The following NDE1 variants were observed in gnomAD, a reference collection of about 807,000 sequenced individuals.
NDE1 encodes nudE neurodevelopment protein 1, also known as nuclear distribution protein nudE homolog 1.
In NDE1, 28 loss-of-function variants were observed where a neutral mutation model predicts 43.4. That is an observed-to-expected ratio of 0.65 (90% CI 0.48 to 0.89). The LOEUF (loss-of-function observed/expected upper bound fraction) is 0.89, where lower values mean the gene tolerates loss of function less well. Ranked by LOEUF, NDE1 falls within the 40% of genes least tolerant of loss-of-function variation. NDE1 has a pLI of 0.00. For missense variants in NDE1, 441 were observed against 434.1 expected, an observed-to-expected ratio of 1.02 and a Z score of -0.14; for synonymous variants, 184 against 172.0, an observed-to-expected ratio of 1.07 and a Z score of -0.55.
At chr16:15,708,104 A>G (rs967514341) in intron 8 of NDE1, among the ~76,000 whole-genome samples, 1 of 152,078 alleles carries the variant, frequency 6.6e-6, no homozygotes, top group African/African-American at 2.4e-5. Flanking sequence ...GCCTCCAGAA[A>G]AGGCTCTGCC....
At chr16:15,650,761 C>T (rs2036460513) in intron 1 of NDE1, among the ~76,000 whole-genome samples, 1 of 152,052 alleles carries the variant, frequency 6.6e-6, no homozygotes, top group Admixed American at 6.5e-5. Context: ...TCTCTCTCTC[C>T]TATTCCTCCA....
At chr16:15,680,058 C>T (rs1349996678) in intron 4 of NDE1, among the ~76,000 whole-genome samples, 1 of 152,206 alleles carries the variant, frequency 6.6e-6, no homozygotes, top group South Asian at 2.1e-4. Context: ...GGATTACGGG[C>T]TTGAGCCACC....
chr16:15,659,425 CTTTTTTT>C (rs35091023), intron 1 of NDE1, among the ~76,000 whole-genome samples: 6 of 58,892 alleles, frequency 1.0e-4, no homozygotes, highest in South Asian at 7.4e-4. Context: ...TGCACACAAT[CTTTTTTT>C]TTTTTTTTTT....
chr16:15,708,948 AG>A, intron 8 of NDE1: 3 of 1,188,466 alleles, frequency 2.5e-6, no homozygotes, highest in Admixed American at 2.0e-5. Flanking sequence ...TAATAATTAA[AG>A]GCACTCTTTT....
chr16:15,677,903 A>G lies in NDE1; in HGVS notation c.340A>G (p.Ile114Val), dbSNP rs759919035. 4.3e-6 allele frequency: 7 copies of G among 1,614,106 alleles called. No individual in the cohort carries two copies. The South Asian group carries it at 6.6e-5, about 15-fold the overall frequency. ...CATTAAAGACCAATTGCAGAAATAC[A>G]TCAGAGAGCTGGAGCAAGCAAATGA... Reference protein sequence around the residue: ...KAIKDQLQKYIRELEQANDDL... With the variant: ...KAIKDQLQKYVRELEQANDDL... The change falls in exon 4 of 9, where the codon ATC becomes GTC. Residue 114 changes from isoleucine (I) to valine (V), a missense_variant. Coordinates refer to ENST00000396354, the MANE Select transcript of NDE1 (RefSeq NM_017668.3).
chr16:15,714,734 G>T, intron 8 of NDE1: 3 of 827,852 alleles, frequency 3.6e-6, no homozygotes, highest in Non-Finnish European at 5.9e-6. Flanking sequence ...GCCCGGGTCT[G>T]ATCTCAGTGC....
chr16:15,677,864 G>A lies in NDE1; in HGVS notation c.301G>A (p.Ala101Thr), dbSNP rs764297672. 4.3e-6 allele frequency: 7 copies of A among 1,614,072 alleles called. No homozygotes were observed. The highest frequency in any genetic ancestry group is 2.2e-5 in the South Asian group (2 of 91,082). The change falls in exon 4 of 9, where the codon GCG becomes ACG. Residue 101 changes from alanine (A) to threonine (T), a missense_variant. By Grantham distance (58) the Ala-to-Thr change is moderately conservative. Transcript: ENST00000396354. ...GATCTCAGCCTTGGAGGATGACCTC[G>A]CGCAGACCAAAGCCATTAAAGACCA... ...RQISALEDDLAQTKAIKDQLQ... is the reference protein window; with the variant it reads ...RQISALEDDLTQTKAIKDQLQ...
At chr16:15,686,481 T>C (rs1299729799) in intron 4 of NDE1, 1 of 985,264 alleles carries the variant, frequency 1.0e-6, no homozygotes, top group Non-Finnish European at 1.2e-6. Flanking sequence ...ATTTTGAACT[T>C]CCACTGAGAG....
chr16:15,697,447 G>A (rs143707944), intron 8 of NDE1, among the ~76,000 whole-genome samples: 68 of 152,238 alleles, frequency 4.5e-4, no homozygotes, highest in African/African-American at 1.5e-3. Flanking sequence ...GGTGACGCTC[G>A]CCTGTAATCC....
intron 8 of NDE1, chr16:15,720,123 C>G (rs1335117404): frequency 6.2e-7 from 1 of 1,613,926 alleles, no homozygotes; most frequent in Non-Finnish European, 8.5e-7. Flanking sequence ...TCCCTCCACC[C>G]ATGCCCCAAG....
intron 8 of NDE1, among the ~76,000 whole-genome samples, chr16:15,716,516 T>G (rs930476985): frequency 3.1e-4 from 47 of 151,026 alleles, no homozygotes; most frequent in Admixed American, 1.3e-3. Context: ...TTTTTTGGGG[T>G]TTTTTTTGTG....
intron 8 of NDE1, among the ~76,000 whole-genome samples, chr16:15,702,589 T>TTA (rs2039258068): frequency 6.6e-6 from 1 of 151,450 alleles, no homozygotes; most frequent in Admixed American, 6.6e-5. Context: ...ACCTTTTTTT[T>TTA]ATAGAGACGG....
At chr16:15,708,721 T>G in intron 8 of NDE1, 2 of 1,415,944 alleles carry the variant, frequency 1.4e-6, no homozygotes, top group Non-Finnish European at 2.0e-6. Flanking sequence ...GTTTAAAAAT[T>G]GGGGTGGGCA....
At chr16:15,666,429 G>A (rs2037310852) in intron 2 of NDE1, among the ~76,000 whole-genome samples, 1 of 151,970 alleles carries the variant, frequency 6.6e-6, no homozygotes, top group Non-Finnish European at 1.5e-5. Context: ...TAGCAACATG[G>A]CAAAACCCTG....
intron 3 of NDE1, among the ~76,000 whole-genome samples, chr16:15,672,371 G>A (rs762565947): frequency 2.0e-5 from 3 of 152,136 alleles, no homozygotes; most frequent in Non-Finnish European, 4.4e-5. Flanking sequence ...GGTGGAGGTT[G>A]CAGTGAGCTG....
chr16:15,717,359 G>A lies in NDE1; in HGVS notation c.948-6832G>A, dbSNP rs780765461. The A allele has an allele frequency of 1.0e-5, 16 of 1,604,152 alleles. No individual in the cohort carries two copies. In the East Asian group the frequency reaches 3.3e-4, roughly 34 times the overall value. ...GCTGAGCTGCTCGGCCTGGGGAGGA[G>A]AGTGAAGGCCATGAGGCGGACTCAG... On this transcript the variant is annotated intron_variant, in intron 8 of 8. Transcript: ENST00000396354.
chr16:15,694,054 G>A lies in NDE1; in HGVS notation c.704-111G>A, dbSNP rs890616159. 1.3e-5 allele frequency: 17 copies of A among 1,284,478 alleles called. No homozygotes were observed. In the South Asian group the frequency reaches 1.4e-4, roughly 11 times the overall value. The allele number at this position is 1,284,478 out of a possible 1,614,324, so 79.6% of individuals were successfully genotyped here. A position where few individuals can be genotyped will look rare whatever the true frequency, so the allele number is the denominator to read the frequency against. On this transcript the variant is annotated intron_variant, in intron 6 of 8. Transcript: ENST00000396354. Reference sequence around the variant, plus strand: ...AGAAATAGGGTAGCTTTTGGGATCCGAGGAAAGGCGTCAGTGTCCCTCCTG... The same window carrying A: ...AGAAATAGGGTAGCTTTTGGGATCCAAGGAAAGGCGTCAGTGTCCCTCCTG...
chr16:15,676,245 G>GTTTT (rs1422756218), intron 3 of NDE1, among the ~76,000 whole-genome samples: 3 of 83,566 alleles, frequency 3.6e-5, no homozygotes, highest in South Asian at 8.5e-4. Flanking sequence ...TTTTTTTTGA[G>GTTTT]ACAGAGTCTC....
intron 8 of NDE1, among the ~76,000 whole-genome samples, chr16:15,706,773 C>A (rs974825638): frequency 6.6e-5 from 10 of 152,068 alleles, no homozygotes; most frequent in Admixed American, 1.3e-4. Context: ...GTGCTCTAGG[C>A]ACTCTCTTTT....
Sources: allele counts gnomAD v4.1 joint callset (sites outside exome capture counted in the v4.1 genomes callset), GRCh38; gene constraint gnomAD v4.1.1; transcripts MANE v1.5; gene names NCBI Gene and HGNC (gene_info 2026-07-23, HGNC 2026-07-21).